DYNC1I2: variants seen among roughly 807,000 people sequenced by gnomAD.
DYNC1I2 encodes dynein cytoplasmic 1 intermediate chain 2, also known as cytoplasmic dynein 1 intermediate chain 2.
DYNC1I2 carries 53 observed loss-of-function variants against 88.6 expected under a neutral mutation model. The ratio of observed to expected loss-of-function variants is 0.60; its 90% confidence interval spans 0.48 to 0.75. DYNC1I2 has a LOEUF of 0.75. Ranked by LOEUF, DYNC1I2 falls within the 30% of genes least tolerant of loss-of-function variation. DYNC1I2 has a pLI of 0.00. For missense variants in DYNC1I2, 458 were observed against 766.6 expected, an observed-to-expected ratio of 0.60 and a Z score of 4.75; for synonymous variants, 198 against 254.6, an observed-to-expected ratio of 0.78 and a Z score of 2.12.
At chr2:171,694,486 C>T (rs112972581) in intron 3 of DYNC1I2, among the ~76,000 whole-genome samples, 2,422 of 151,910 alleles carry the variant, frequency 0.016, 54 homozygotes, top group African/African-American at 0.051. Context: ...GGAGAAACCC[C>T]GTCTCTACTA....
chr2:171,704,346 C>CTT (rs761294733), intron 3 of DYNC1I2, among the ~76,000 whole-genome samples: 1 of 124,178 alleles, frequency 8.1e-6, no homozygotes. Flanking sequence ...TTTTTTTTTT[C>CTT]TTTTTTTTTT....
intron 6 of DYNC1I2, 69 bp downstream of exon 6, chr2:171,712,895 TTA>T: frequency 7.4e-7 from 1 of 1,357,464 alleles, no homozygotes; most frequent in Non-Finnish European, 1.1e-6. Context: ...TGTCCTAATT[TTA>T]TTTTGCTTAA....
chr2:171,748,956 C>T lies in DYNC1I2; in HGVS notation c.*1067C>T, dbSNP rs79359755. Among the ~76,000 whole-genome samples the T allele has an allele frequency of 0.017, 2,663 of 152,258 alleles. 88 individuals are homozygous for T. Among genetic ancestry groups the T allele is most frequent in the African/African-American group, 0.062 (2,559 of 41,550 alleles). ...CAGGAATAGAGGAAAGGACTATGAT[C>T]AGATCTTGATTTTATCTACTTTAAA... On this transcript the variant is annotated 3_prime_UTR_variant, in exon 18 of 18. Transcript: ENST00000397119.
intron 5 of DYNC1I2, among the ~76,000 whole-genome samples, chr2:171,710,644 A>G (rs897674495): frequency 3.3e-5 from 5 of 152,124 alleles, no homozygotes; most frequent in African/African-American, 7.2e-5. Context: ...TGTTATCTCA[A>G]AAATTTAGGA....
At chr2:171,725,748 T>G (rs1688208989) in intron 8 of DYNC1I2, 35 bp downstream of exon 8, 3 of 1,403,900 alleles carry the variant, frequency 2.1e-6, no homozygotes, top group Non-Finnish European at 2.9e-6. Flanking sequence ...AACATTTTGT[T>G]GATTTCTGTT....
chr2:171,747,700 G>T, intron 17 of DYNC1I2, 76 bp from the exon 18 acceptor site: 1 of 1,045,166 alleles, frequency 9.6e-7, no homozygotes, highest in South Asian at 1.8e-5. Flanking sequence ...AAAATTATTT[G>T]AAAACAAACT....
intron 17 of DYNC1I2, 141 bp from the exon 18 acceptor site, chr2:171,747,635 A>T: frequency 1.7e-6 from 1 of 591,632 alleles, no homozygotes; most frequent in Non-Finnish European, 3.0e-6. Flanking sequence ...AATCATTGTT[A>T]TAGTCCCCGT....
rs199884452 is a variant in DYNC1I2, at chr2:171,706,753, T to TG, written c.244+196dup. The TG allele has an allele frequency of 8.9e-4, 437 of 488,426 alleles. 1 individual carries two copies. The Middle Eastern group carries it at 9.3e-3, about 10-fold the overall frequency. The allele number at this position is 488,426 out of a possible 1,614,324, so 30.3% of individuals were successfully genotyped here. A position where few individuals can be genotyped will look rare whatever the true frequency, so the allele number is the denominator to read the frequency against. On this transcript the variant is annotated intron_variant, in intron 4 of 17. Coordinates refer to ENST00000397119, the MANE Select transcript of DYNC1I2 (RefSeq NM_001378.3). Reference sequence around the variant, plus strand: ...ATTTCTCTAAATTGATATCTTTTTTTGGGGGGGAGGCAGTGAAATCATTTT... The same window carrying TG: ...ATTTCTCTAAATTGATATCTTTTTTTGGGGGGGGAGGCAGTGAAATCATTTT...
In DYNC1I2 at chr2:171,748,085, T is replaced by A. The variant is rs1207107237; in HGVS notation, c.*196T>A. 1 of 483,770 alleles carries A rather than the reference T, an allele frequency of 2.1e-6. No homozygotes were observed. Among genetic ancestry groups the A allele is most frequent in the African/African-American group, 2.0e-5 (1 of 50,474 alleles). 30.0% of individuals were successfully genotyped at this position (483,770 alleles called of 1,614,324 possible). On this transcript the variant is annotated 3_prime_UTR_variant, in exon 18 of 18. Transcript: ENST00000397119. Reference sequence around the variant, plus strand: ...CTTGTTTTGGATTTGTGTCATTTTTTAATATAGCTGATTGACTTCACAGAA... The same window carrying A: ...CTTGTTTTGGATTTGTGTCATTTTTAAATATAGCTGATTGACTTCACAGAA...
At chr2:171,741,124 C>T (rs1014483533) in intron 15 of DYNC1I2, among the ~76,000 whole-genome samples, 2 of 152,136 alleles carry the variant, frequency 1.3e-5, no homozygotes, top group African/African-American at 4.8e-5. Context: ...CATATTGATA[C>T]TTCTTGTATC....
chr2:171,731,876 T>C (rs1311616114), intron 15 of DYNC1I2, among the ~76,000 whole-genome samples: 1 of 152,218 alleles, frequency 6.6e-6, no homozygotes, highest in Non-Finnish European at 1.5e-5. Flanking sequence ...ATAGTAATCA[T>C]ACAAAGGCAA....
intron 15 of DYNC1I2, among the ~76,000 whole-genome samples, chr2:171,740,544 T>G (rs1689351970): frequency 6.6e-6 from 1 of 152,184 alleles, no homozygotes; most frequent in African/African-American, 2.4e-5. Flanking sequence ...TCAAATGATT[T>G]TTTCCCTTTT....
At chr2:171,709,962 C>G (rs1186987528) in intron 5 of DYNC1I2, among the ~76,000 whole-genome samples, 3 of 152,158 alleles carry the variant, frequency 2.0e-5, no homozygotes, top group African/African-American at 7.2e-5. Context: ...GGTGATCCAC[C>G]CACCTCAGCC....
chr2:171,698,730 G>T (rs987663390), intron 3 of DYNC1I2, among the ~76,000 whole-genome samples: 4 of 151,900 alleles, frequency 2.6e-5, no homozygotes, highest in Non-Finnish European at 4.4e-5. Flanking sequence ...TTAGCCGAGT[G>T]TGGTGGTGGG....
intron 13 of DYNC1I2, 72 bp downstream of exon 13, chr2:171,728,490 T>C (rs545172892): frequency 2.3e-4 from 220 of 972,502 alleles, no homozygotes; most frequent in Middle Eastern, 2.2e-4. Context: ...CCTCAACTTA[T>C]GTTTCTCATA....
At chr2:171,718,614 T>C (rs762688358) in intron 7 of DYNC1I2, among the ~76,000 whole-genome samples, 57 of 152,108 alleles carry the variant, frequency 3.7e-4, no homozygotes, top group Non-Finnish European at 7.1e-4. Flanking sequence ...TTTGTATTTT[T>C]AGTAGAGACG....
intron 11 of DYNC1I2, among the ~76,000 whole-genome samples, chr2:171,727,144 C>A (rs1688307444): frequency 6.6e-6 from 1 of 152,086 alleles, no homozygotes; most frequent in South Asian, 2.1e-4. Context: ...TTTAATCACA[C>A]CTAAAGTCCT....
intron 15 of DYNC1I2, among the ~76,000 whole-genome samples, chr2:171,735,130 T>C (rs1241601052): frequency 6.6e-6 from 1 of 152,198 alleles, no homozygotes; most frequent in African/African-American, 2.4e-5. Flanking sequence ...TCTGCCCTGA[T>C]AGCAAAACAA....
chr2:171,734,646 T>C (rs1479355911), intron 15 of DYNC1I2, among the ~76,000 whole-genome samples: 1 of 152,216 alleles, frequency 6.6e-6, no homozygotes, highest in Non-Finnish European at 1.5e-5. Flanking sequence ...TCTGAAACTT[T>C]ATCAGAAGAA....
Sources: allele counts gnomAD v4.1 joint callset (sites outside exome capture counted in the v4.1 genomes callset), GRCh38; gene constraint gnomAD v4.1.1; transcripts MANE v1.5; gene names NCBI Gene and HGNC (gene_info 2026-07-23, HGNC 2026-07-21).